The following MGAT5 variants were observed in gnomAD, a reference collection of about 807,000 sequenced individuals.
The protein encoded by MGAT5 is alpha-1,6-mannosylglycoprotein 6-beta-N-acetylglucosaminyltransferase A.
MGAT5 carries 30 observed loss-of-function variants against 94.3 expected under a neutral mutation model. The observed-to-expected ratio is 0.32, with a 90% CI of 0.24 to 0.43. The LOEUF (loss-of-function observed/expected upper bound fraction) is 0.43, where lower values mean the gene tolerates loss of function less well. Ranked by LOEUF, MGAT5 falls within the 20% of genes least tolerant of loss-of-function variation. The pLI is 1.00. For missense variants in MGAT5, 691 were observed against 905.5 expected (o/e 0.76, Z 3.04); for synonymous variants, 310 against 322.9 (o/e 0.96, Z 0.43).
intron 13 of MGAT5, among the ~76,000 whole-genome samples, chr2:134,423,702 A>C (rs77011258): frequency 0.017 from 2,576 of 152,282 alleles, 78 homozygotes; most frequent in African/African-American, 0.06. Flanking sequence ...GTTCAGTTCT[A>C]GCTCTACCAC....
intron 1 of MGAT5, chr2:134,127,241 C>T (rs1372674467): frequency 1.3e-5 from 2 of 154,684 alleles, no homozygotes; most frequent in Non-Finnish European, 2.9e-5. Context: ...GCTTCAAGCC[C>T]CTCTGTTCAT....
chr2:134,248,618 G>T (rs1386011973), intron 1 of MGAT5, among the ~76,000 whole-genome samples: 11 of 152,184 alleles, frequency 7.2e-5, no homozygotes, highest in Admixed American at 7.2e-4. Flanking sequence ...TGACTATGAA[G>T]TAGCTCAGGT....
chr2:134,381,095 T>C (rs1281762744), intron 10 of MGAT5, among the ~76,000 whole-genome samples: 1 of 151,908 alleles, frequency 6.6e-6, no homozygotes, highest in Non-Finnish European at 1.5e-5. Flanking sequence ...CATGCAATCA[T>C]TTGTGGAAAT....
At chr2:134,269,727 T>C (rs1683912969) in intron 1 of MGAT5, among the ~76,000 whole-genome samples, 2 of 152,238 alleles carry the variant, frequency 1.3e-5, no homozygotes, top group African/African-American at 4.8e-5. Context: ...AACTCTTAAA[T>C]GTAAGAACGA....
intron 10 of MGAT5, among the ~76,000 whole-genome samples, chr2:134,370,529 C>A (rs1427490763): frequency 1.3e-5 from 2 of 152,204 alleles, no homozygotes; most frequent in African/African-American, 2.4e-5. Context: ...TGCTTATTTC[C>A]CCTGGGGTAA....
chr2:134,454,343 A>AGTT lies in MGAT5; in HGVS notation c.*5498_*5500dup, dbSNP rs1686258587. On this transcript the variant is annotated 3_prime_UTR_variant, in exon 16 of 16. Transcript: ENST00000281923. ...CCTACCCAAGTATTAATAGCATAATAGTTGATGCCAAAGGAGATGGTGACG... is the reference window on the plus strand; with the variant it reads ...CCTACCCAAGTATTAATAGCATAATAGTTGTTGATGCCAAAGGAGATGGTGACG... The AGTT allele has an allele frequency of 6.6e-6, 1 of 152,246 alleles. No individual in the cohort carries two copies. Among genetic ancestry groups the AGTT allele is most frequent in the African/African-American group, 2.4e-5 (1 of 41,474 alleles). The allele number at this position is 152,246 out of a possible 1,614,324, so 9.4% of individuals were successfully genotyped here.
chr2:134,439,526 G>T (rs980152906), intron 14 of MGAT5, among the ~76,000 whole-genome samples: 1 of 152,110 alleles, frequency 6.6e-6, no homozygotes, highest in Admixed American at 6.6e-5. Flanking sequence ...GCAAAACCTC[G>T]TCTCTACTAA....
chr2:134,359,348 CA>C (rs1679942340), intron 9 of MGAT5, among the ~76,000 whole-genome samples: 2 of 152,202 alleles, frequency 1.3e-5, no homozygotes. Context: ...TGAAAGCAGC[CA>C]ATCTGGCTCT....
intron 2 of MGAT5, among the ~76,000 whole-genome samples, chr2:134,315,050 C>A (rs916789691): frequency 6.6e-6 from 1 of 152,178 alleles, no homozygotes; most frequent in African/African-American, 2.4e-5. Context: ...TTTGCTGACC[C>A]TTAACTTTAT....
At chr2:134,347,215 G>C (rs1688971444) in intron 8 of MGAT5, among the ~76,000 whole-genome samples, 1 of 152,190 alleles carries the variant, frequency 6.6e-6, no homozygotes. Context: ...ACCAAGTCCA[G>C]TGTCCTGTCT....
At chr2:134,234,660 A>G (rs1484513672) in intron 1 of MGAT5, among the ~76,000 whole-genome samples, 2 of 152,236 alleles carry the variant, frequency 1.3e-5, no homozygotes, top group Non-Finnish European at 2.9e-5. Context: ...GGGATTAGCA[A>G]TAAGGTGTGA....
At chr2:134,245,728 C>A (rs1206439835) in intron 1 of MGAT5, among the ~76,000 whole-genome samples, 1 of 152,148 alleles carries the variant, frequency 6.6e-6, no homozygotes, top group African/African-American at 2.4e-5. Flanking sequence ...GTGGCAGAAC[C>A]TGGGAATAGA....
intron 1 of MGAT5, among the ~76,000 whole-genome samples, chr2:134,190,081 T>G (rs937028007): frequency 6.6e-6 from 1 of 152,196 alleles, no homozygotes; most frequent in Non-Finnish European, 1.5e-5. Flanking sequence ...GAGTTGCTGG[T>G]TATAAGGTAT....
intron 2 of MGAT5, among the ~76,000 whole-genome samples, chr2:134,286,343 T>A (rs1360303280): frequency 6.6e-6 from 1 of 152,220 alleles, no homozygotes; most frequent in Non-Finnish European, 1.5e-5. Context: ...TTTCTTAGAT[T>A]CCACATTTTC....
chr2:134,366,776 G>C (rs903700842), intron 10 of MGAT5, among the ~76,000 whole-genome samples: 1 of 152,236 alleles, frequency 6.6e-6, no homozygotes, highest in Non-Finnish European at 1.5e-5. Flanking sequence ...GAGCAGCAAG[G>C]TCTTAGGATA....
At chr2:134,335,846 A>G (rs1447769351) in intron 4 of MGAT5, among the ~76,000 whole-genome samples, 2 of 152,178 alleles carry the variant, frequency 1.3e-5, no homozygotes, top group Non-Finnish European at 2.9e-5. Context: ...CTAAAGGGTC[A>G]CAGAGACACC....
intron 10 of MGAT5, among the ~76,000 whole-genome samples, chr2:134,381,382 TTAGATAGATAGATAGATAGATAGATAGA>T (rs61246431): frequency 1.8e-5 from 2 of 108,512 alleles, no homozygotes; most frequent in Non-Finnish European, 4.0e-5. Flanking sequence ...ATAAGATAGA[TTAGATAGATAGATAGATAGATAGATAGA>T]TAGATAGATA....
chr2:134,154,070 T>C (rs1422629153), intron 1 of MGAT5, among the ~76,000 whole-genome samples: 2 of 152,198 alleles, frequency 1.3e-5, no homozygotes, highest in Admixed American at 6.5e-5. Flanking sequence ...TTTAATACTT[T>C]TGTAAATAAG....
Position 134,349,795 on chromosome 2 carries a change from T to A in MGAT5, c.1113-10T>A, listed in dbSNP as rs1679255739. The stretch of plus-strand genomic sequence containing the variant: ...TATGTAGTGTTCAACACATTGCTTT[T>A]TTCTTTCAGGTGCATGCTCCGAGTC... On this transcript the variant is annotated splice_polypyrimidine_tract_variant and intron_variant, in intron 8 of 15. Transcript: ENST00000281923. The A allele has an allele frequency of 1.2e-6, 2 of 1,612,926 alleles. No homozygotes were observed. Among genetic ancestry groups the A allele is most frequent in the African/African-American group, 1.3e-5 (1 of 74,884 alleles).
Sources: gnomAD v4.1 joint callset for allele counts (sites outside exome capture counted in the v4.1 genomes callset) on GRCh38, gnomAD v4.1.1 for gene constraint, MANE v1.5 for transcripts, NCBI Gene and HGNC (gene_info 2026-07-23, HGNC 2026-07-21) for gene names.